The following CNIH1 variants were observed in gnomAD, a reference collection of about 807,000 sequenced individuals.
CNIH1 encodes the protein protein cornichon homolog 1.
In CNIH1, 12 loss-of-function variants were observed where a neutral mutation model predicts 20.2. That is an observed-to-expected ratio of 0.59 (90% confidence interval 0.38 to 0.96). The LOEUF (loss-of-function observed/expected upper bound fraction) is 0.96. CNIH1 is among the 40% of genes least tolerant of loss of function. CNIH1 has a pLI of 0.00. For missense variants in CNIH1, 152 were observed against 178.8 expected, an observed-to-expected ratio of 0.85 and a Z score of 0.85; for synonymous variants, 69 against 63.3, an observed-to-expected ratio of 1.09 and a Z score of -0.43.
At chr14:54,441,201 G>T (rs1265872248) in intron 1 of CNIH1, 46 bp downstream of exon 1, 7 of 1,471,998 alleles carry the variant, frequency 4.8e-6, no homozygotes, top group Non-Finnish European at 6.3e-6. Context: ...GCGAAAAGAG[G>T]CTGTGTTGCC....
intron 2 of CNIH1, 169 bp downstream of exon 2, chr14:54,436,200 T>C: frequency 2.8e-6 from 2 of 707,214 alleles, no homozygotes; most frequent in Non-Finnish European, 5.2e-6. Flanking sequence ...AGCAGATTAA[T>C]AATAGAATAG....
At chr14:54,437,870 G>C (rs1308548046) in intron 1 of CNIH1, among the ~76,000 whole-genome samples, 1 of 152,074 alleles carries the variant, frequency 6.6e-6, no homozygotes, top group African/African-American at 2.4e-5. Context: ...TCAAGACAAG[G>C]ATGATAATCA....
At chr14:54,438,668 G>T (rs2140007444) in intron 1 of CNIH1, among the ~76,000 whole-genome samples, 1 of 152,320 alleles carries the variant, frequency 6.6e-6, no homozygotes, top group African/African-American at 2.4e-5. Flanking sequence ...ATGTAAATAA[G>T]ATTTTTGGAA....
intron 1 of CNIH1, among the ~76,000 whole-genome samples, chr14:54,438,382 T>C (rs1260423608): frequency 6.6e-6 from 1 of 152,196 alleles, no homozygotes; most frequent in Non-Finnish European, 1.5e-5. Flanking sequence ...TTTTCAAATC[T>C]TTTTGCAGCT....
rs2139996251 is a variant in CNIH1 at position 54,424,053 on chromosome 14, A to G, written c.*3761T>C. ...AATTGTTATAAGAAAGCTAGTCAAT[A>G]TATTTAGCAATAGAACCACTCTTTT... On this transcript the variant is annotated 3_prime_UTR_variant, in exon 5 of 5. Coordinates refer to ENST00000216416, the MANE Select transcript of CNIH1 (RefSeq NM_005776.3). The G allele has an allele frequency of 6.6e-6, 1 of 152,336 alleles. No homozygotes were observed. Among genetic ancestry groups the G allele is most frequent in the East Asian group, 1.9e-4 (1 of 5,194 alleles). 9.4% of individuals were successfully genotyped at this position (152,336 alleles called of 1,614,324 possible). A position where few individuals can be genotyped will look rare whatever the true frequency, so the allele number is the denominator to read the frequency against.
In CNIH1 at chr14:54,432,215, T is replaced by C. The variant is rs1448343649; in HGVS notation, c.156A>G (p.Val52=). 5 of 1,527,298 alleles carry C rather than the reference T, an allele frequency of 3.3e-6. No homozygotes were observed. Among genetic ancestry groups the C allele is most frequent in the Non-Finnish European group, 4.4e-6 (5 of 1,134,076 alleles). The allele number at this position is 1,527,298 out of a possible 1,614,324, so 94.6% of individuals were successfully genotyped here. The change falls in exon 3 of 5, where the codon GTA becomes GTG. Residue 52 remains valine (V), a synonymous_variant. Coordinates refer to ENST00000216416, the MANE Select transcript of CNIH1 (RefSeq NM_005776.3). The part of the protein sequence containing the change: ...IDQCNTLNPL[V]LPEYLIHAFF... ...AAGCGTGGATGAGGTACTCTGGGAG[T>C]ACAAGCTGGAAGGAAAACACAAGCC...
chr14:54,426,203 G>A lies in CNIH1; in HGVS notation c.*1611C>T, dbSNP rs1215477782. ...ATACAAGGTCTTTAAAGCTTTCCTT[G>A]TTATGGAACAGTTTGAGTCTCTTCA... is the stretch of plus-strand genomic sequence containing the variant. On this transcript the variant is annotated 3_prime_UTR_variant, in exon 5 of 5. Transcript: ENST00000216416. 1 of 152,146 alleles carries A rather than the reference G, an allele frequency of 6.6e-6. No homozygotes were observed. Among genetic ancestry groups the A allele is most frequent in the East Asian group, 1.9e-4 (1 of 5,196 alleles). The allele number at this position is 152,146 out of a possible 1,614,324, so 9.4% of individuals were successfully genotyped here. A position where few individuals can be genotyped will look rare whatever the true frequency, so the allele number is the denominator to read the frequency against.
Position 54,426,422 on chromosome 14 carries a change from T to C in CNIH1, c.*1392A>G, listed in dbSNP as rs2139997698. 1 of 152,334 alleles carries C rather than the reference T, an allele frequency of 6.6e-6. No individual in the cohort carries two copies. 9.4% of individuals were successfully genotyped at this position (152,334 alleles called of 1,614,324 possible). ...ACGCATCCATAAACTTCCTTGATCA[T>C]GTGAAATTTCTATATATTGGTTCTC... On this transcript the variant is annotated 3_prime_UTR_variant, in exon 5 of 5. Coordinates refer to ENST00000216416, the MANE Select transcript of CNIH1 (RefSeq NM_005776.3).
intron 3 of CNIH1, among the ~76,000 whole-genome samples, chr14:54,431,133 AT>A (rs113513067): frequency 1.5e-3 from 218 of 142,782 alleles, no homozygotes; most frequent in African/African-American, 2.8e-3. Flanking sequence ...CCCTGAGTAA[AT>A]TTTTTTTTTT....
In CNIH1 at chr14:54,432,182, A is replaced by G. The variant is rs1478200474; in HGVS notation, c.189T>C (p.Cys63=). 6.4e-7 allele frequency: 1 copy of G among 1,564,048 alleles called. No homozygotes were observed. The highest frequency in any genetic ancestry group is 8.7e-7 in the Non-Finnish European group (1 of 1,153,424). ...LPEYLIHAFF[C]VMFLCAAEWL... ...ACTCTGCTGCACAAAGAAACATGAC[A>G]CAGAAGAAAGCGTGGATGAGGTACT... is the stretch of plus-strand genomic sequence containing the variant. The change falls in exon 3 of 5, where the codon TGT becomes TGC. Residue 63 remains cysteine, a synonymous_variant. Coordinates refer to ENST00000216416, the MANE Select transcript of CNIH1 (RefSeq NM_005776.3).
intron 1 of CNIH1, among the ~76,000 whole-genome samples, chr14:54,439,539 A>G (rs559309098): frequency 6.7e-6 from 1 of 150,212 alleles, no homozygotes; most frequent in African/African-American, 2.5e-5. Context: ...GGAACCACAC[A>G]CTTTCTTTCT....
chr14:54,435,143 A>G (rs2031031378), intron 2 of CNIH1, among the ~76,000 whole-genome samples: 1 of 152,246 alleles, frequency 6.6e-6, no homozygotes, highest in Admixed American at 6.5e-5. Context: ...TTTCTTGAAG[A>G]CATACCCACT....
chr14:54,425,369 TAACTGTA>T lies in CNIH1; in HGVS notation c.*2438_*2444del, dbSNP rs2030806009. ...AAGATAAAGCACATAATACCAAAAG[TAACTGTA>T]ATAAGGAGAAAAAAAAAAAGAGTAC... On this transcript the variant is annotated 3_prime_UTR_variant, in exon 5 of 5. Transcript: ENST00000216416. 1 of 144,624 alleles carries T rather than the reference TAACTGTA, an allele frequency of 6.9e-6. No homozygotes were observed. Among genetic ancestry groups the T allele is most frequent in the Non-Finnish European group, 1.5e-5 (1 of 66,662 alleles). 9.0% of individuals were successfully genotyped at this position (144,624 alleles called of 1,614,324 possible).
chr14:54,437,938 C>T (rs113405170), intron 1 of CNIH1, among the ~76,000 whole-genome samples: 92 of 151,332 alleles, frequency 6.1e-4, no homozygotes, highest in African/African-American at 2.0e-3. Flanking sequence ...GTCTTTAAAA[C>T]TGACATTTAA....
At position 54,436,356 on chromosome 14, in the gene CNIH1, T is replaced by C. The variant is rs1184531146; in HGVS notation, c.150+13A>G. 7.1e-7 allele frequency: 1 copy of C among 1,406,658 alleles called. No homozygotes were observed. The allele number at this position is 1,406,658 out of a possible 1,614,324, so 87.1% of individuals were successfully genotyped here. A position where few individuals can be genotyped will look rare whatever the true frequency, so the allele number is the denominator to read the frequency against. Reference sequence around the variant, plus strand: ...TTTTAAAATCTAAAGATAAATCCTATATTATAACTTACGGGATTCAGGGTA... The same window carrying C: ...TTTTAAAATCTAAAGATAAATCCTACATTATAACTTACGGGATTCAGGGTA... On this transcript the variant is annotated intron_variant, in intron 2 of 4. Transcript: ENST00000216416.
chr14:54,437,821 G>C (rs1174785279), intron 1 of CNIH1, among the ~76,000 whole-genome samples: 1 of 152,142 alleles, frequency 6.6e-6, no homozygotes, highest in Admixed American at 6.5e-5. Context: ...CTTGACGTCA[G>C]CCGTGGTATA....
In CNIH1 at chr14:54,432,174, A is replaced by T; in HGVS notation, c.197T>A (p.Phe66Tyr). The change falls in exon 3 of 5, where the codon TTT becomes TAT. Residue 66 changes from phenylalanine to tyrosine, a missense_variant. Coordinates refer to ENST00000216416, the MANE Select transcript of CNIH1 (RefSeq NM_005776.3). ...TGTAAGCCACTCTGCTGCACAAAGAAACATGACACAGAAGAAAGCGTGGAT... is the reference window on the plus strand; with the variant it reads ...TGTAAGCCACTCTGCTGCACAAAGATACATGACACAGAAGAAAGCGTGGAT... ...YLIHAFFCVM[F>Y]LCAAEWLTLG... 1.3e-6 allele frequency: 2 copies of T among 1,567,920 alleles called. No homozygotes were observed. The highest frequency in any genetic ancestry group is 1.7e-6 in the Non-Finnish European group (2 of 1,155,444).
intron 1 of CNIH1, among the ~76,000 whole-genome samples, chr14:54,439,415 C>T (rs113706105): frequency 2.6e-5 from 4 of 151,854 alleles, no homozygotes; most frequent in Admixed American, 6.6e-5. Context: ...CAACCTGGTT[C>T]AAAACGTAAA....
chr14:54,430,080 C>T, intron 4 of CNIH1, 181 bp downstream of exon 4: 1 of 600,110 alleles, frequency 1.7e-6, no homozygotes, highest in Non-Finnish European at 2.9e-6. Context: ...GGCTGGTTTA[C>T]TGCCTTGACA....
Sources: gnomAD v4.1 joint callset for allele counts (sites outside exome capture counted in the v4.1 genomes callset) on GRCh38, gnomAD v4.1.1 for gene constraint, MANE v1.5 for transcripts, NCBI Gene and HGNC (gene_info 2026-07-23, HGNC 2026-07-21) for gene names.